CLVS2: variants seen among roughly 807,000 people sequenced by gnomAD.
CLVS2 encodes clavesin 2, also known as clavesin-2.
A neutral mutation model predicts 29.0 loss-of-function variants in CLVS2; 19 were observed. The ratio of observed to expected loss-of-function variants is 0.66; its 90% CI spans 0.46 to 0.96. The LOEUF is 0.96. CLVS2 is among the 40% of genes least tolerant of loss of function. CLVS2 has a pLI of 0.00. For missense variants in CLVS2, 294 were observed against 404.1 expected (o/e 0.73, Z 2.34); for synonymous variants, 161 against 151.3 (o/e 1.06, Z -0.47).
In CLVS2 at chr6:122,996,593, G is replaced by C. The variant is rs1207949512; in HGVS notation, c.-713G>C. 1 of 153,526 alleles carries C rather than the reference G, an allele frequency of 6.5e-6. No homozygotes were observed. The highest frequency in any genetic ancestry group is 1.5e-5 in the Non-Finnish European group (1 of 68,346). The allele number at this position is 153,526 out of a possible 1,614,324, so 9.5% of individuals were successfully genotyped here. A position where few individuals can be genotyped will look rare whatever the true frequency, so the allele number is the denominator to read the frequency against. On this transcript the variant is annotated 5_prime_UTR_variant, in exon 1 of 6. Transcript: ENST00000275162. ...GCGGCTGCTCCCGAGCGCATCTTCGGCCCGGGTCCCCGCCGCCACCCCTCT... is the reference window on the plus strand; with the variant it reads ...GCGGCTGCTCCCGAGCGCATCTTCGCCCCGGGTCCCCGCCGCCACCCCTCT...
chr6:123,055,802 A>G lies in CLVS2; in HGVS notation c.676-4A>G, dbSNP rs1772685865. 1.3e-6 allele frequency: 2 copies of G among 1,598,234 alleles called. No individual in the cohort carries two copies. The highest frequency in any genetic ancestry group is 1.7e-6 in the Non-Finnish European group (2 of 1,165,700). ...CCCTTCCTCCCGTCTTCTTGCATTT[A>G]TAGATATTTTTGCATGGTAACAACC... is the stretch of plus-strand genomic sequence containing the variant. On this transcript the variant is annotated splice_polypyrimidine_tract_variant and splice_region_variant and intron_variant, in intron 4 of 5. Coordinates refer to ENST00000275162, the MANE Select transcript of CLVS2 (RefSeq NM_001010852.4).
At chr6:123,006,991 C>T (rs1025140550) in intron 2 of CLVS2, among the ~76,000 whole-genome samples, 3 of 152,130 alleles carry the variant, frequency 2.0e-5, no homozygotes, top group Admixed American at 1.3e-4. Flanking sequence ...TGCAGCGTCA[C>T]AGAACCAAAT....
intron 3 of CLVS2, among the ~76,000 whole-genome samples, chr6:123,021,321 C>T (rs1020682305): frequency 2.0e-5 from 3 of 151,978 alleles, no homozygotes; most frequent in Admixed American, 6.6e-5. Context: ...TAGCTGAAAT[C>T]TCTCTGTAAA....
chr6:123,002,437 G>A (rs533949659), intron 2 of CLVS2, among the ~76,000 whole-genome samples: 1 of 152,048 alleles, frequency 6.6e-6, no homozygotes, highest in African/African-American at 2.4e-5. Flanking sequence ...TTATGATTAT[G>A]CTTGCATTTA....
chr6:123,049,807 G>C (rs573039481), intron 4 of CLVS2, among the ~76,000 whole-genome samples: 1 of 143,304 alleles, frequency 7.0e-6, no homozygotes, highest in African/African-American at 3.0e-5. Flanking sequence ...TGTGGGATGG[G>C]GGGCGGGGAG....
Position 123,011,001 on chromosome 6 carries a change from A to G in CLVS2, c.406A>G (p.Ile136Val). 1 of 1,601,684 alleles carries G rather than the reference A, an allele frequency of 6.2e-7. No individual in the cohort carries two copies. The highest frequency in any genetic ancestry group is 8.5e-7 in the Non-Finnish European group (1 of 1,173,450). The change falls in exon 3 of 6, where the codon ATT becomes GTT. Residue 136 changes from isoleucine to valine, a missense_variant. By Grantham distance (29) the Ile-to-Val change is conservative. This residue lies in a region of CLVS2 where 212 missense variants were observed against 336.4 expected (regional missense o/e 0.63). Coordinates refer to ENST00000275162, the MANE Select transcript of CLVS2 (RefSeq NM_001010852.4). Reference sequence around the variant, plus strand: ...CGCCGATAGGTACACACTGGTGGATATTTTGCGTGCCATCTTACTTTCTTT... The same window carrying G: ...CGCCGATAGGTACACACTGGTGGATGTTTTGCGTGCCATCTTACTTTCTTT... ...WDQSRYTLVD[I>V]LRAILLSLEA...
rs1288904829 is a variant in CLVS2, at chr6:123,070,543, G to T, written c.*6782G>T. Reference sequence around the variant, plus strand: ...TTAGCAAGAGTGAGTCTCTTAAAATGTAACTCAGACCATTTTGTTCTCCAA... The same window carrying T: ...TTAGCAAGAGTGAGTCTCTTAAAATTTAACTCAGACCATTTTGTTCTCCAA... On this transcript the variant is annotated 3_prime_UTR_variant, in exon 6 of 6. Transcript: ENST00000275162. 1 of 151,904 alleles carries T rather than the reference G, an allele frequency of 6.6e-6. No homozygotes were observed. Among genetic ancestry groups the T allele is most frequent in the African/African-American group, 2.4e-5 (1 of 41,396 alleles). The allele number at this position is 151,904 out of a possible 1,614,324, so 9.4% of individuals were successfully genotyped here. A position where few individuals can be genotyped will look rare whatever the true frequency, so the allele number is the denominator to read the frequency against.
At chr6:123,025,532 T>C (rs1774988830) in intron 3 of CLVS2, among the ~76,000 whole-genome samples, 1 of 152,088 alleles carries the variant, frequency 6.6e-6, no homozygotes, top group Non-Finnish European at 1.5e-5. Context: ...CTGTAATGGA[T>C]AGTGCGGTGT....
chr6:123,040,725 G>A (rs974403489), intron 3 of CLVS2, among the ~76,000 whole-genome samples: 2 of 149,430 alleles, frequency 1.3e-5, no homozygotes, highest in African/African-American at 4.9e-5. Flanking sequence ...CCGAGATCGC[G>A]CCATTGCACT....
At chr6:123,048,838 T>C (rs1200974166) in intron 4 of CLVS2, 106 bp downstream of exon 4, 3 of 717,724 alleles carry the variant, frequency 4.2e-6, no homozygotes, top group Admixed American at 2.6e-5. Context: ...TTCTACATTG[T>C]ATAGAAATCA....
chr6:123,010,945 G>C, intron 2 of CLVS2, 40 bp from the exon 3 acceptor site: 1 of 1,312,746 alleles, frequency 7.6e-7, no homozygotes. Flanking sequence ...TTGGAAAAGT[G>C]GTTGTCAGAC....
At chr6:123,049,815 G>GGGA (rs1418998421) in intron 4 of CLVS2, among the ~76,000 whole-genome samples, 1 of 150,576 alleles carries the variant, frequency 6.6e-6, no homozygotes, top group African/African-American at 2.4e-5. Context: ...GGGGGGCGGG[G>GGGA]AGGAATAGCA....
chr6:123,071,388 C>A lies in CLVS2; in HGVS notation c.*7627C>A, dbSNP rs1772946031. Reference sequence around the variant, plus strand: ...CCCAATTGTGATCTCTATCCCTGAGCCTAAGTTTTACATCAGTATTTCAGT... The same window carrying A: ...CCCAATTGTGATCTCTATCCCTGAGACTAAGTTTTACATCAGTATTTCAGT... On this transcript the variant is annotated 3_prime_UTR_variant, in exon 6 of 6. Transcript: ENST00000275162. 1.3e-5 allele frequency: 2 copies of A among 151,886 alleles called. No individual in the cohort carries two copies. The highest frequency in any genetic ancestry group is 2.9e-5 in the Non-Finnish European group (2 of 67,896). 9.4% of individuals were successfully genotyped at this position (151,886 alleles called of 1,614,324 possible).
At position 122,997,919 on chromosome 6, in the gene CLVS2, C is replaced by A; in HGVS notation, c.142C>A (p.Arg48Ser). 6.2e-7 allele frequency: 1 copy of A among 1,614,216 alleles called. No individual in the cohort carries two copies. Among genetic ancestry groups the A allele is most frequent in the African/African-American group, 1.3e-5 (1 of 75,060 alleles). ...VITRPDIGFL[R>S]TDDAFILRFL... ...CACCAGGCCGGACATTGGCTTTCTGCGCACGGATGATGCCTTCATCTTACG... is the reference window on the plus strand; with the variant it reads ...CACCAGGCCGGACATTGGCTTTCTGAGCACGGATGATGCCTTCATCTTACG... Residue 48 changes from arginine to serine, a missense_variant, in exon 2 of 6, where the codon CGC (arginine) becomes AGC (serine). This residue lies in a region of CLVS2 where 212 missense variants were observed against 336.4 expected (regional missense o/e 0.63). Coordinates refer to ENST00000275162, the MANE Select transcript of CLVS2 (RefSeq NM_001010852.4).
chr6:123,017,604 T>C (rs2114316273), intron 3 of CLVS2, among the ~76,000 whole-genome samples: 1 of 152,250 alleles, frequency 6.6e-6, no homozygotes, highest in South Asian at 2.1e-4. Context: ...AAAGTTGCTT[T>C]ATTTCATGGT....
chr6:123,061,021 C>T (rs1227630952), intron 5 of CLVS2, among the ~76,000 whole-genome samples: 1 of 152,240 alleles, frequency 6.6e-6, no homozygotes, highest in Non-Finnish European at 1.5e-5. Context: ...CTGAGATGGG[C>T]TGGGCACAGT....
intron 3 of CLVS2, among the ~76,000 whole-genome samples, chr6:123,029,712 G>A (rs1775055970): frequency 6.6e-6 from 1 of 152,180 alleles, no homozygotes; most frequent in South Asian, 2.1e-4. Flanking sequence ...GACAGGACAA[G>A]TGTATTTTGA....
rs939341945 is a variant in CLVS2, at chr6:123,067,722, C to T, written c.*3961C>T. On this transcript the variant is annotated 3_prime_UTR_variant, in exon 6 of 6. Transcript: ENST00000275162. The stretch of plus-strand genomic sequence containing the variant: ...ATACATAGCCTGAAACATAGTAATG[C>T]ATTTGAAATTTGTGAGGTCACTGAT... The T allele has an allele frequency of 1.3e-5, 2 of 151,614 alleles. No homozygotes were observed. Among genetic ancestry groups the T allele is most frequent in the Non-Finnish European group, 3.0e-5 (2 of 67,718 alleles). The allele number at this position is 151,614 out of a possible 1,614,324, so 9.4% of individuals were successfully genotyped here. A position where few individuals can be genotyped will look rare whatever the true frequency, so the allele number is the denominator to read the frequency against.
chr6:123,011,053 T>G lies in CLVS2; in HGVS notation c.458T>G (p.Leu153Arg), dbSNP rs1774742264. 3 of 1,610,908 alleles carry G rather than the reference T, an allele frequency of 1.9e-6. No individual in the cohort carries two copies. Among genetic ancestry groups the G allele is most frequent in the East Asian group, 2.2e-5 (1 of 44,726 alleles). ...SLEAMIEDPE[L>R]QVNGFVLIID... The stretch of plus-strand genomic sequence containing the variant: ...GAAGCCATGATTGAAGATCCTGAGC[T>G]TCAAGTGAATGGGTTTGTTTTGATC... The change falls in exon 3 of 6, where the codon CTT becomes CGT. Residue 153 changes from leucine (L) to arginine (R), a missense_variant. Leu to Arg is a moderately radical substitution (Grantham distance 102). This residue lies in a region of CLVS2 where 212 missense variants were observed against 336.4 expected (regional missense o/e 0.63). Coordinates refer to ENST00000275162, the MANE Select transcript of CLVS2 (RefSeq NM_001010852.4).
Sources: gnomAD v4.1 joint callset for allele counts (sites outside exome capture counted in the v4.1 genomes callset) on GRCh38, gnomAD v4.1.1 for gene constraint, gnomAD v4.1.1 regional missense constraint, MANE v1.5 for transcripts, NCBI Gene and HGNC (gene_info 2026-07-23, HGNC 2026-07-21) for gene names.